The following DNER variants were observed in gnomAD, a reference collection of about 807,000 sequenced individuals.
The protein encoded by DNER is delta/notch like EGF repeat containing, also known as delta and Notch-like epidermal growth factor-related receptor.
DNER carries 33 observed loss-of-function variants against 78.2 expected under a neutral mutation model. The ratio of observed to expected loss-of-function variants is 0.42; its 90% CI spans 0.32 to 0.56. DNER has a LOEUF of 0.56. Ranked by LOEUF, DNER falls within the 20% of genes least tolerant of loss-of-function variation. The pLI is 0.11. For missense variants in DNER, 918 were observed against 975.3 expected (o/e 0.94, Z 0.78); for synonymous variants, 417 against 384.8 (o/e 1.08, Z -0.98).
intron 4 of DNER, among the ~76,000 whole-genome samples, chr2:229,550,724 G>A (rs758481310): frequency 3.5e-4 from 53 of 152,102 alleles, no homozygotes; most frequent in Non-Finnish European, 6.6e-4. Flanking sequence ...GCAGTGAGCC[G>A]AGATTGCACC....
At chr2:229,601,003 TG>T (rs1697816284) in intron 1 of DNER, among the ~76,000 whole-genome samples, 1 of 152,134 alleles carries the variant, frequency 6.6e-6, no homozygotes, top group African/African-American at 2.4e-5. Flanking sequence ...TACTGTGATA[TG>T]GGAGAGAAAG....
At chr2:229,474,997 A>T (rs1695001175) in intron 7 of DNER, among the ~76,000 whole-genome samples, 1 of 152,220 alleles carries the variant, frequency 6.6e-6, no homozygotes, top group Non-Finnish European at 1.5e-5. Context: ...TGAAAAGTTC[A>T]AAGTTCCCTG....
chr2:229,511,133 T>G (rs1169519034), intron 6 of DNER, among the ~76,000 whole-genome samples: 1 of 152,184 alleles, frequency 6.6e-6, no homozygotes, highest in African/African-American at 2.4e-5. Flanking sequence ...TCTTGTTTCT[T>G]ACAATGAGTA....
At chr2:229,507,633 G>A (rs1010664577) in intron 6 of DNER, among the ~76,000 whole-genome samples, 8 of 152,036 alleles carry the variant, frequency 5.3e-5, no homozygotes, top group East Asian at 3.9e-4. Flanking sequence ...ATAGGGACAC[G>A]TTATAAAGTA....
At chr2:229,401,156 A>C (rs775989380) in intron 10 of DNER, among the ~76,000 whole-genome samples, 11 of 152,118 alleles carry the variant, frequency 7.2e-5, no homozygotes, top group Admixed American at 2.6e-4. Flanking sequence ...AATGGCCCAA[A>C]TAAAAAATAG....
intron 1 of DNER, among the ~76,000 whole-genome samples, chr2:229,679,317 G>T (rs576041946): frequency 9.9e-5 from 15 of 152,264 alleles, no homozygotes; most frequent in Non-Finnish European, 2.2e-4. Flanking sequence ...TAAGCAAAAA[G>T]GTATGTAAGG....
intron 8 of DNER, among the ~76,000 whole-genome samples, chr2:229,418,921 C>A (rs1574834947): frequency 1.3e-5 from 2 of 149,354 alleles, no homozygotes; most frequent in African/African-American, 2.5e-5. Flanking sequence ...AACTCCATCT[C>A]AAAAAAAAAA....
intron 6 of DNER, among the ~76,000 whole-genome samples, chr2:229,485,087 C>T (rs1695243573): frequency 6.6e-6 from 1 of 152,132 alleles, no homozygotes. Context: ...AAAATACTGA[C>T]CTCTCCTTTC....
intron 11 of DNER, among the ~76,000 whole-genome samples, chr2:229,369,871 A>G (rs1692441949): frequency 6.6e-6 from 1 of 152,196 alleles, no homozygotes; most frequent in African/African-American, 2.4e-5. Context: ...TCATATGGAA[A>G]AAAGGATGCT....
intron 10 of DNER, among the ~76,000 whole-genome samples, chr2:229,390,604 C>A (rs1020110381): frequency 6.6e-6 from 1 of 152,210 alleles, no homozygotes; most frequent in Non-Finnish European, 1.5e-5. Flanking sequence ...AATAGGATGA[C>A]CTCTTTCTGT....
At chr2:229,457,140 C>A (rs1445489604) in intron 7 of DNER, among the ~76,000 whole-genome samples, 1 of 151,982 alleles carries the variant, frequency 6.6e-6, no homozygotes, top group Non-Finnish European at 1.5e-5. Context: ...TTGTTGCCAG[C>A]AGATCTAGCC....
At chr2:229,457,065 G>A (rs1007147888) in intron 7 of DNER, among the ~76,000 whole-genome samples, 1 of 151,924 alleles carries the variant, frequency 6.6e-6, no homozygotes, top group African/African-American at 2.4e-5. Flanking sequence ...CTAGTTTCAG[G>A]GAAAATAACT....
intron 5 of DNER, among the ~76,000 whole-genome samples, chr2:229,521,776 C>A (rs563858934): frequency 1.3e-5 from 2 of 152,224 alleles, no homozygotes; most frequent in East Asian, 3.9e-4. Flanking sequence ...CACACAAGAA[C>A]ACATGGAACC....
chr2:229,699,271 A>AG (rs1179218738), intron 1 of DNER, among the ~76,000 whole-genome samples: 1 of 152,266 alleles, frequency 6.6e-6, no homozygotes, highest in Non-Finnish European at 1.5e-5. Context: ...CTCAATAAAA[A>AG]GTCAAGACAA....
intron 6 of DNER, among the ~76,000 whole-genome samples, chr2:229,505,726 T>TG (rs1410532907): frequency 1.3e-5 from 2 of 152,254 alleles, no homozygotes; most frequent in East Asian, 3.8e-4. Context: ...AAGCAAATTA[T>TG]ACACGTTTCA....
At chr2:229,431,744 C>A (rs1464635108) in intron 8 of DNER, among the ~76,000 whole-genome samples, 1 of 150,924 alleles carries the variant, frequency 6.6e-6, no homozygotes, top group Non-Finnish European at 1.5e-5. Flanking sequence ...ATGTAACTAA[C>A]CTGCACATTG....
At chr2:229,632,928 T>C (rs1012254646) in intron 1 of DNER, among the ~76,000 whole-genome samples, 14 of 152,210 alleles carry the variant, frequency 9.2e-5, no homozygotes, top group African/African-American at 3.4e-4. Flanking sequence ...TGAAAAAAGA[T>C]AGCCGCTTTC....
At chr2:229,389,891 A>T (rs2106336784) in intron 10 of DNER, among the ~76,000 whole-genome samples, 1 of 152,354 alleles carries the variant, frequency 6.6e-6, no homozygotes, top group Admixed American at 6.5e-5. Context: ...TGTTTCCTGC[A>T]ACAAATATTG....
intron 1 of DNER, among the ~76,000 whole-genome samples, chr2:229,610,403 A>C (rs1300198545): frequency 6.6e-6 from 1 of 152,218 alleles, no homozygotes; most frequent in Non-Finnish European, 1.5e-5. Flanking sequence ...CCACATTCTT[A>C]ACTGAGACCC....
Sources: gnomAD v4.1 joint callset for allele counts (sites outside exome capture counted in the v4.1 genomes callset) on GRCh38, gnomAD v4.1.1 for gene constraint, MANE v1.5 for transcripts, NCBI Gene and HGNC (gene_info 2026-07-23, HGNC 2026-07-21) for gene names.